Variants in MLIP observed in about 807,000 individuals in gnomAD.
MLIP encodes muscular LMNA-interacting protein.
Under a neutral mutation model 84.8 loss-of-function variants are expected in MLIP, and 79 were observed. The observed-to-expected ratio is 0.93, with a 90% CI of 0.78 to 1.12. The LOEUF (loss-of-function observed/expected upper bound fraction) is 1.12, where lower values mean the gene tolerates loss of function less well. Among genes scored for constraint, MLIP ranks in the 50% most tolerant of loss-of-function variants. The pLI is 0.00. For synonymous variants in MLIP, 504 were observed against 463.0 expected (o/e 1.09, Z -1.14); for missense variants, 1,257 against 1,160.6 (o/e 1.08, Z -1.21).
At chr6:54,181,255 C>T (rs1172606639) in intron 9 of MLIP, among the ~76,000 whole-genome samples, 1 of 152,160 alleles carries the variant, frequency 6.6e-6, no homozygotes, top group African/African-American at 2.4e-5. Context: ...CTCCCCTTTC[C>T]ACAGGCAAAA....
At chr6:54,182,323 A>G (rs1776959105) in intron 9 of MLIP, among the ~76,000 whole-genome samples, 1 of 152,098 alleles carries the variant, frequency 6.6e-6, no homozygotes, top group Non-Finnish European at 1.5e-5. Context: ...AATGTCCCCC[A>G]GTTGCTGTGC....
At chr6:54,222,781 T>TG (rs1233807632) in intron 11 of MLIP, among the ~76,000 whole-genome samples, 1 of 152,160 alleles carries the variant, frequency 6.6e-6, no homozygotes, top group Admixed American at 6.6e-5. Context: ...TTTTAAATTT[T>TG]GGGGGGAAAC....
At chr6:54,230,315 C>A (rs1353562151) in intron 11 of MLIP, among the ~76,000 whole-genome samples, 1 of 152,132 alleles carries the variant, frequency 6.6e-6, no homozygotes, top group Non-Finnish European at 1.5e-5. Flanking sequence ...TCTTCCAGAC[C>A]AAATCACAAG....
chr6:54,148,547 G>A (rs1380569760), intron 4 of MLIP, among the ~76,000 whole-genome samples: 2 of 152,040 alleles, frequency 1.3e-5, no homozygotes, highest in Non-Finnish European at 2.9e-5. Context: ...TGACTACTTT[G>A]CTGCTTGTAT....
intron 1 of MLIP, among the ~76,000 whole-genome samples, chr6:54,117,220 T>A (rs1325008976): frequency 6.8e-6 from 1 of 147,612 alleles, no homozygotes; most frequent in Admixed American, 6.7e-5. Flanking sequence ...TCTTTTTTTT[T>A]TTTTTTTTTT....
chr6:54,224,319 C>G (rs1295022048), intron 11 of MLIP, among the ~76,000 whole-genome samples: 1 of 151,314 alleles, frequency 6.6e-6, no homozygotes, highest in East Asian at 1.9e-4. Context: ...CACCCTTATG[C>G]AAGTGAATTA....
intron 11 of MLIP, among the ~76,000 whole-genome samples, chr6:54,222,882 A>T (rs1780311374): frequency 6.6e-6 from 1 of 151,942 alleles, no homozygotes. Context: ...ACCAACACTC[A>T]TTCCTATTGC....
At chr6:54,153,233 T>C in intron 5 of MLIP, among the ~76,000 whole-genome samples, 1 of 152,168 alleles carries the variant, frequency 6.6e-6, no homozygotes, top group East Asian at 1.9e-4. Flanking sequence ...AATTAGTTAT[T>C]TTAACAACTA....
At chr6:54,252,354 A>ATATAT (rs1350289527) in intron 12 of MLIP, among the ~76,000 whole-genome samples, 3 of 115,380 alleles carry the variant, frequency 2.6e-5, no homozygotes, top group African/African-American at 1.2e-4. Flanking sequence ...TATAACTATA[A>ATATAT]TATACCATAT....
intron 1 of MLIP, among the ~76,000 whole-genome samples, chr6:54,027,328 A>T (rs1189440950): frequency 6.6e-6 from 1 of 151,082 alleles, no homozygotes; most frequent in East Asian, 1.9e-4. Flanking sequence ...CTCACACTTA[A>T]CCTAAAATAA....
intron 5 of MLIP, among the ~76,000 whole-genome samples, chr6:54,153,552 T>C (rs1773683978): frequency 6.6e-6 from 1 of 152,054 alleles, no homozygotes; most frequent in Non-Finnish European, 1.5e-5. Flanking sequence ...TATTTTAAAA[T>C]CTCTTTATGT....
rs531171563 is a variant in MLIP, at chr6:54,155,923, A to G, written c.2290-4444A>G. 3.3e-5 allele frequency among the ~76,000 whole-genome samples: 5 copies of G among 152,230 alleles called. No individual in the cohort carries two copies. The South Asian group carries it at 1.0e-3, about 32-fold the overall frequency. The stretch of plus-strand genomic sequence containing the variant: ...TCTTTAAGATGAATGAGCTCAAAGA[A>G]TATTCCATTTATGCCTCAATTTCTG... On this transcript the variant is annotated intron_variant, in intron 5 of 13. Coordinates refer to ENST00000502396, the MANE Select transcript of MLIP (RefSeq NM_001281747.2).
intron 12 of MLIP, among the ~76,000 whole-genome samples, chr6:54,249,746 T>TATATATATATAC (rs71724053): frequency 6.7e-5 from 10 of 150,322 alleles, no homozygotes; most frequent in African/African-American, 1.5e-4. Flanking sequence ...TATATATATA[T>TATATATATATAC]ACACACACAC....
At chr6:54,189,772 G>T (rs1039949930) in intron 9 of MLIP, 98 bp from the exon 10 acceptor site, 2 of 856,806 alleles carry the variant, frequency 2.3e-6, no homozygotes, top group Non-Finnish European at 3.8e-6. Context: ...ATCCTATCAT[G>T]GACATATAAT....
chr6:54,220,449 C>T (rs1191338473), intron 11 of MLIP, among the ~76,000 whole-genome samples: 2 of 152,070 alleles, frequency 1.3e-5, no homozygotes, highest in Non-Finnish European at 2.9e-5. Context: ...GCTGGGGATA[C>T]GTGTGTTCTT....
intron 12 of MLIP, among the ~76,000 whole-genome samples, chr6:54,249,929 CCTGA>C (rs1485642992): frequency 1.3e-5 from 2 of 151,926 alleles, no homozygotes; most frequent in East Asian, 1.9e-4. Flanking sequence ...AGTTGTTTTT[CCTGA>C]CTGTCTTCAT....
chr6:54,124,895 GAA>G, intron 3 of MLIP, 30 bp downstream of exon 3: 1 of 1,504,758 alleles, frequency 6.6e-7, no homozygotes, highest in Non-Finnish European at 8.9e-7. Context: ...TGTCCATAAG[GAA>G]AAAAAAAGCG....
chr6:54,181,770 G>A (rs1052321623), intron 9 of MLIP, among the ~76,000 whole-genome samples: 30 of 152,162 alleles, frequency 2.0e-4, no homozygotes, highest in African/African-American at 6.0e-4. Flanking sequence ...AAGGCAGCGG[G>A]TTCTCTTTTT....
At chr6:54,142,929 C>T (rs948606824) in intron 4 of MLIP, among the ~76,000 whole-genome samples, 3 of 151,386 alleles carry the variant, frequency 2.0e-5, no homozygotes, top group African/African-American at 4.9e-5. Flanking sequence ...AAAAAAAAAA[C>T]GCTGAAACTA....
Sources: allele counts gnomAD v4.1 joint callset (sites outside exome capture counted in the v4.1 genomes callset), GRCh38; gene constraint gnomAD v4.1.1; transcripts MANE v1.5; gene names NCBI Gene and HGNC (gene_info 2026-07-23, HGNC 2026-07-21).